The following ZDHHC13 variants were observed in gnomAD, a reference collection of about 807,000 sequenced individuals.
ZDHHC13 encodes the protein palmitoyltransferase ZDHHC13.
ZDHHC13 carries 85 observed loss-of-function variants against 86.0 expected under a neutral mutation model. That is an observed-to-expected ratio of 0.99 (90% confidence interval 0.83 to 1.18). The LOEUF (loss-of-function observed/expected upper bound fraction) is 1.18. Among genes scored for constraint, ZDHHC13 ranks in the 50% most tolerant of loss-of-function variants. ZDHHC13 has a pLI of 0.00. For synonymous variants in ZDHHC13, 263 were observed against 246.4 expected, an observed-to-expected ratio of 1.07 and a Z score of -0.63; for missense variants, 711 against 730.2, an observed-to-expected ratio of 0.97 and a Z score of 0.30.
chr11:19,157,789 G>A lies in ZDHHC13; in HGVS notation c.1008-1151G>A, dbSNP rs78618392. On this transcript the variant is annotated intron_variant, in intron 9 of 16. Coordinates refer to ENST00000446113, the MANE Select transcript of ZDHHC13 (RefSeq NM_019028.3). Reference sequence around the variant, plus strand: ...TGAAGCCTACATTATAAAAATGGACGCAATTCAAATGTGAGTCAAATGCAT... The same window carrying A: ...TGAAGCCTACATTATAAAAATGGACACAATTCAAATGTGAGTCAAATGCAT... 6.9e-3 allele frequency among the ~76,000 whole-genome samples: 1,048 copies of A among 152,242 alleles called. 9 individuals are homozygous for A. The highest frequency in any genetic ancestry group is 0.024 in the African/African-American group (988 of 41,536).
intron 10 of ZDHHC13, among the ~76,000 whole-genome samples, 185 bp from the exon 11 acceptor site, chr11:19,163,115 CATT>C: frequency 6.6e-6 from 1 of 151,984 alleles, no homozygotes; most frequent in Middle Eastern, 3.2e-3. Flanking sequence ...AATAAGGAAA[CATT>C]AATTATTAGC....
In ZDHHC13 at chr11:19,152,560, G is replaced by A. The variant is rs779570820; in HGVS notation, c.749G>A (p.Gly250Glu). 9 of 1,605,102 alleles carry A rather than the reference G, an allele frequency of 5.6e-6. No homozygotes were observed. In the African/African-American group the frequency reaches 1.1e-4, roughly 19 times the overall value. ...GSSLDIQNVK[G>E]ETPLDMALQN... Reference sequence around the variant, plus strand: ...CTTTTTACCCTACTCTTTTTTAAGGGAGAAACACCTCTTGATATGGCTCTA... The same window carrying A: ...CTTTTTACCCTACTCTTTTTTAAGGAAGAAACACCTCTTGATATGGCTCTA... Residue 250 changes from glycine (G) to glutamate (E), a missense_variant and splice_region_variant, in exon 8 of 17, where the codon GGA becomes GAA. Physicochemically the swap from Gly to Glu is moderately conservative, Grantham distance 98 (BLOSUM62 -2). Coordinates refer to ENST00000446113, the MANE Select transcript of ZDHHC13 (RefSeq NM_019028.3).
chr11:19,120,235 G>A (rs1235846256), intron 1 of ZDHHC13, among the ~76,000 whole-genome samples: 1 of 152,186 alleles, frequency 6.6e-6, no homozygotes, highest in African/African-American at 2.4e-5. Context: ...GACTTGGAGA[G>A]ACTGCAGCAG....
chr11:19,138,690 C>T (rs1304902172), intron 1 of ZDHHC13, among the ~76,000 whole-genome samples: 1 of 150,756 alleles, frequency 6.6e-6, no homozygotes, highest in African/African-American at 2.4e-5. Context: ...CCGAATCCAG[C>T]AGCACATCAA....
intron 1 of ZDHHC13, among the ~76,000 whole-genome samples, chr11:19,142,742 C>CT (rs548110970): frequency 8.4e-4 from 123 of 145,882 alleles, no homozygotes; most frequent in Non-Finnish European, 1.0e-3. Flanking sequence ...CTTTTTTTTT[C>CT]TTTTTTTTTT....
intron 10 of ZDHHC13, among the ~76,000 whole-genome samples, chr11:19,162,545 T>C (rs928959690): frequency 1.3e-5 from 2 of 151,986 alleles, no homozygotes; most frequent in African/African-American, 2.4e-5. Context: ...GTAGGGGACA[T>C]TTTAGGTCAG....
At chr11:19,146,346 G>T (rs1849466511) in intron 3 of ZDHHC13, 43 bp downstream of exon 3, 2 of 1,584,694 alleles carry the variant, frequency 1.3e-6, no homozygotes, top group Non-Finnish European at 1.7e-6. Flanking sequence ...TATAATTTTA[G>T]ACCTCTCCTT....
chr11:19,142,827 T>C lies in ZDHHC13; in HGVS notation c.28-151T>C, dbSNP rs1849358622. ...TCAGCTTACTACAACCTCCGCCTCC[T>C]GGGTTCAAGTCATTCTCAGGATACA... On this transcript the variant is annotated intron_variant, in intron 1 of 16. Transcript: ENST00000446113. 1.1e-5 allele frequency: 9 copies of C among 802,630 alleles called. No individual in the cohort carries two copies. The Admixed American group carries it at 1.6e-4, about 14-fold the overall frequency. 49.7% of individuals were successfully genotyped at this position (802,630 alleles called of 1,614,324 possible). A position where few individuals can be genotyped will look rare whatever the true frequency, so the allele number is the denominator to read the frequency against.
intron 1 of ZDHHC13, among the ~76,000 whole-genome samples, chr11:19,125,031 ACT>A (rs1367624725): frequency 6.6e-6 from 1 of 152,100 alleles, no homozygotes; most frequent in Non-Finnish European, 1.5e-5. Context: ...CTGAGGGAGA[ACT>A]CTCTGAACAG....
rs1424651562 is a variant in ZDHHC13, at chr11:19,172,869, C to T, written c.1730+49C>T. ...CTGAGTCCTGTGGAAGATCCCTAGT[C>T]ACTGGTTTCCTAAGCTGGTGCCACT... On this transcript the variant is annotated intron_variant, in intron 16 of 16. Transcript: ENST00000446113. 3.3e-6 allele frequency: 5 copies of T among 1,505,430 alleles called. No homozygotes were observed. In the South Asian group the frequency reaches 5.1e-5, roughly 15 times the overall value. The allele number at this position is 1,505,430 out of a possible 1,614,324, so 93.3% of individuals were successfully genotyped here. A position where few individuals can be genotyped will look rare whatever the true frequency, so the allele number is the denominator to read the frequency against.
At chr11:19,166,574 C>A in intron 14 of ZDHHC13, 189 bp downstream of exon 14, 2 of 453,360 alleles carry the variant, frequency 4.4e-6, no homozygotes, top group East Asian at 3.6e-5. Context: ...GGTTAGTTCT[C>A]AGTACTTTAG....
chr11:19,163,191 CAT>C, intron 10 of ZDHHC13, 110 bp from the exon 11 acceptor site: 4 of 1,103,590 alleles, frequency 3.6e-6, no homozygotes, highest in South Asian at 4.0e-5. Flanking sequence ...GGGGCAGGGA[CAT>C]GTGTGCATAA....
At position 19,174,389 on chromosome 11, in the gene ZDHHC13, A is replaced by G. The variant is rs976481867; in HGVS notation, c.1731-1433A>G. Among the ~76,000 whole-genome samples the G allele has an allele frequency of 2.6e-5, 4 of 152,254 alleles. No individual in the cohort carries two copies. The South Asian group carries it at 8.3e-4, about 31-fold the overall frequency. On this transcript the variant is annotated intron_variant, in intron 16 of 16. Coordinates refer to ENST00000446113, the MANE Select transcript of ZDHHC13 (RefSeq NM_019028.3). ...CTAACTAGCTTTTGAACCAGGCCCT[A>G]TACATTTCTAGCATGCATCCCCACT...
chr11:19,170,697 C>T, intron 15 of ZDHHC13, 129 bp downstream of exon 15: 1 of 910,696 alleles, frequency 1.1e-6, no homozygotes, highest in Non-Finnish European at 1.6e-6. Flanking sequence ...TGGGTCTAGC[C>T]ATGTCATTTA....
At chr11:19,146,432 T>A in intron 3 of ZDHHC13, 129 bp downstream of exon 3, 1 of 1,103,914 alleles carries the variant, frequency 9.1e-7, no homozygotes, top group Non-Finnish European at 1.2e-6. Flanking sequence ...AAACTTTTTC[T>A]GCCACACACG....
intron 1 of ZDHHC13, among the ~76,000 whole-genome samples, chr11:19,128,491 T>C (rs1848923176): frequency 6.6e-6 from 1 of 152,204 alleles, no homozygotes; most frequent in African/African-American, 2.4e-5. Context: ...CTGTGTTGAA[T>C]AGAAGTGCTG....
intron 16 of ZDHHC13, 38 bp from the exon 17 acceptor site, chr11:19,175,784 T>C (rs1414934787): frequency 6.2e-7 from 1 of 1,601,856 alleles, no homozygotes; most frequent in Non-Finnish European, 8.5e-7. Flanking sequence ...ACACAGGAAA[T>C]ATAGTAAGAC....
rs1448294854 is a variant in ZDHHC13 at position 19,149,322 on chromosome 11, A to G, written c.510A>G (p.Ser170=). The change falls in exon 5 of 17, where the codon TCA becomes TCG. Residue 170 remains serine, a synonymous_variant. Coordinates refer to ENST00000446113, the MANE Select transcript of ZDHHC13 (RefSeq NM_019028.3). ...TGCCTATTATAGCATATCTCATCTC[A>G]AAGGGACAGGTATGTTCTGAAATGT... ...QHMPIIAYLI[S]KGQSVNMTDV... 6.3e-7 allele frequency: 1 copy of G among 1,596,232 alleles called. No homozygotes were observed. The highest frequency in any genetic ancestry group is 2.2e-5 in the East Asian group (1 of 44,582).
chr11:19,152,306 A>G lies in ZDHHC13; in HGVS notation c.733A>G (p.Ile245Val). Residue 245 changes from isoleucine to valine, a missense_variant, in exon 7 of 17, where the codon ATC becomes GTC. By Grantham distance (29) the Ile-to-Val change is conservative. Transcript: ENST00000446113. ...KLLEAGSSLD[I>V]QNVKGETPLD... ...TTTGGAAGCTGGTTCTAGCCTGGAT[A>G]TCCAGAATGTTAAGGTATGGCCAGA... 1 of 1,613,176 alleles carries G rather than the reference A, an allele frequency of 6.2e-7. No individual in the cohort carries two copies. The highest frequency in any genetic ancestry group is 1.1e-5 in the South Asian group (1 of 90,992).
Sources: gnomAD v4.1 joint callset for allele counts (sites outside exome capture counted in the v4.1 genomes callset) on GRCh38, gnomAD v4.1.1 for gene constraint, MANE v1.5 for transcripts, NCBI Gene and HGNC (gene_info 2026-07-23, HGNC 2026-07-21) for gene names.